Variants in CUL1 observed in about 807,000 individuals in gnomAD.
CUL1 encodes cullin-1.
CUL1 carries 24 observed loss-of-function variants against 118.0 expected under a neutral mutation model. The observed-to-expected ratio is 0.20, with a 90% CI of 0.15 to 0.29. The LOEUF (loss-of-function observed/expected upper bound fraction) is 0.29, where lower values mean the gene tolerates loss of function less well. CUL1 is among the 10% of genes least tolerant of loss of function. CUL1 has a pLI of 1.00. For missense variants in CUL1, 361 were observed against 933.8 expected (o/e 0.39, Z 7.99); for synonymous variants, 332 against 340.4 (o/e 0.98, Z 0.27).
chr7:148,796,913 T>G (rs1289634498), intron 17 of CUL1, among the ~76,000 whole-genome samples: 2 of 152,124 alleles, frequency 1.3e-5, no homozygotes, highest in Admixed American at 6.5e-5. Context: ...CTTTGACAGC[T>G]TTCACCACGT....
intron 1 of CUL1, among the ~76,000 whole-genome samples, chr7:148,706,686 C>T (rs898103273): frequency 5.0e-4 from 4 of 8,048 alleles, no homozygotes; most frequent in Admixed American, 9.8e-4. Flanking sequence ...GTGGGGGCGG[C>T]GGGGGGCGGG....
At chr7:148,769,363 T>C (rs1800126404) in intron 9 of CUL1, among the ~76,000 whole-genome samples, 1 of 150,590 alleles carries the variant, frequency 6.6e-6, no homozygotes, top group Non-Finnish European at 1.5e-5. Context: ...TATGACTTTA[T>C]TTCCAAGCTA....
chr7:148,760,524 G>A (rs1212213026), intron 7 of CUL1, 28 bp downstream of exon 7: 1 of 1,524,140 alleles, frequency 6.6e-7, no homozygotes, highest in Non-Finnish European at 8.9e-7. Context: ...ACTTTAAGTA[G>A]ACTTAAGTTA....
At chr7:148,699,720 G>A (rs973014544) in intron 1 of CUL1, among the ~76,000 whole-genome samples, 1 of 152,210 alleles carries the variant, frequency 6.6e-6, no homozygotes, top group Non-Finnish European at 1.5e-5. Context: ...ATGCGCGCAG[G>A]GATGCTAGCC....
At chr7:148,741,841 T>G (rs1164171979) in intron 2 of CUL1, among the ~76,000 whole-genome samples, 4 of 152,282 alleles carry the variant, frequency 2.6e-5, no homozygotes, top group Non-Finnish European at 5.9e-5. Flanking sequence ...CCCAAAGTGC[T>G]GGGATTGCGG....
At position 148,757,172 on chromosome 7, in the gene CUL1, G is replaced by A. The variant is rs370697062; in HGVS notation, c.483+22G>A. 1.4e-5 allele frequency: 20 copies of A among 1,398,758 alleles called. No individual in the cohort carries two copies. The African/African-American group carries it at 2.4e-4, about 16-fold the overall frequency. The allele number at this position is 1,398,758 out of a possible 1,614,324, so 86.6% of individuals were successfully genotyped here. On this transcript the variant is annotated intron_variant, in intron 4 of 21. Transcript: ENST00000325222. Reference sequence around the variant, plus strand: ...TTCGGTAAGAGTTTTGTTTTAAAACGTTTTAAATTTGTTTTTGTTTTTGTT... The same window carrying A: ...TTCGGTAAGAGTTTTGTTTTAAAACATTTTAAATTTGTTTTTGTTTTTGTT...
At chr7:148,771,525 C>G (rs3779034) in intron 9 of CUL1, among the ~76,000 whole-genome samples, 2 of 151,890 alleles carry the variant, frequency 1.3e-5, no homozygotes, top group Non-Finnish European at 2.9e-5. Context: ...CCCTCCGAAC[C>G]TCGGAGTGGG....
At chr7:148,722,246 A>G (rs1035303192) in intron 1 of CUL1, among the ~76,000 whole-genome samples, 4 of 152,158 alleles carry the variant, frequency 2.6e-5, no homozygotes, top group Non-Finnish European at 5.9e-5. Context: ...ACCGACTAAC[A>G]CAGGCCATCA....
chr7:148,702,959 G>T (rs952461877), intron 1 of CUL1, among the ~76,000 whole-genome samples: 30 of 152,182 alleles, frequency 2.0e-4, no homozygotes, highest in Non-Finnish European at 4.1e-4. Flanking sequence ...GCCCTCTGAA[G>T]TGTGGGTACT....
intron 1 of CUL1, among the ~76,000 whole-genome samples, chr7:148,701,531 A>C (rs1279050639): frequency 6.6e-6 from 1 of 152,146 alleles, no homozygotes; most frequent in African/African-American, 2.4e-5. Flanking sequence ...TTTTTTGGAA[A>C]CACGATCAGG....
chr7:148,789,711 T>C (rs1800942828), intron 14 of CUL1, 39 bp from the exon 15 acceptor site: 2 of 1,526,938 alleles, frequency 1.3e-6, no homozygotes, highest in Non-Finnish European at 1.8e-6. Flanking sequence ...AATTAATGTA[T>C]TCCAGAATGT....
chr7:148,797,733 C>A, intron 17 of CUL1, 79 bp from the exon 18 acceptor site: 48 of 888,452 alleles, frequency 5.4e-5, no homozygotes, highest in Middle Eastern at 6.6e-4. Context: ...GGAAAATGGA[C>A]TGTGAGGTTG....
intron 1 of CUL1, among the ~76,000 whole-genome samples, chr7:148,720,922 T>C (rs750190370): frequency 2.0e-5 from 3 of 152,254 alleles, no homozygotes; most frequent in Non-Finnish European, 4.4e-5. Flanking sequence ...TACATGAATA[T>C]ATAGCCTAAA....
intron 9 of CUL1, among the ~76,000 whole-genome samples, chr7:148,768,363 TAGAG>T (rs1299671314): frequency 6.8e-6 from 1 of 147,248 alleles, no homozygotes; most frequent in Non-Finnish European, 1.5e-5. Flanking sequence ...GGGAGAACAA[TAGAG>T]AAGAAAAGCT....
intron 9 of CUL1, among the ~76,000 whole-genome samples, chr7:148,782,884 A>C (rs74697723): frequency 2.6e-5 from 4 of 152,046 alleles, no homozygotes; most frequent in African/African-American, 9.7e-5. Context: ...GGTGACCCGG[A>C]GCTCCCTCCC....
intron 2 of CUL1, among the ~76,000 whole-genome samples, chr7:148,753,014 C>T (rs1319877194): frequency 1.3e-5 from 2 of 152,108 alleles, no homozygotes; most frequent in African/African-American, 4.8e-5. Context: ...AACAGATAAG[C>T]GTTCACATAT....
intron 9 of CUL1, among the ~76,000 whole-genome samples, chr7:148,774,354 C>T (rs1483034893): frequency 6.6e-6 from 1 of 152,216 alleles, no homozygotes; most frequent in Non-Finnish European, 1.5e-5. Flanking sequence ...ATCAGCAGTA[C>T]ACTCACAAGG....
At chr7:148,735,685 T>C (rs1417629871) in intron 2 of CUL1, among the ~76,000 whole-genome samples, 6 of 152,222 alleles carry the variant, frequency 3.9e-5, no homozygotes, top group African/African-American at 1.2e-4. Context: ...GCTCACCTAA[T>C]GAGCATGGCT....
At chr7:148,703,194 T>TA (rs1410790317) in intron 1 of CUL1, among the ~76,000 whole-genome samples, 4 of 152,174 alleles carry the variant, frequency 2.6e-5, no homozygotes, top group African/African-American at 9.7e-5. Context: ...ATCTGATCAT[T>TA]ATGGCAGAAT....
Sources: gnomAD v4.1 joint callset for allele counts (sites outside exome capture counted in the v4.1 genomes callset) on GRCh38, gnomAD v4.1.1 for gene constraint, MANE v1.5 for transcripts, NCBI Gene and HGNC (gene_info 2026-07-23, HGNC 2026-07-21) for gene names.